NALF1: variants seen among roughly 807,000 people sequenced by gnomAD.
NALF1 encodes NALCN channel auxiliary factor 1.
A neutral mutation model predicts 48.4 loss-of-function variants in NALF1; 3 were observed. That is an observed-to-expected ratio of 0.06 (90% CI 0.03 to 0.16). The LOEUF is 0.16. Ranked by LOEUF, NALF1 falls within the 10% of genes least tolerant of loss-of-function variation. NALF1 has a pLI of 1.00. For synonymous variants in NALF1, 262 were observed against 245.7 expected, an observed-to-expected ratio of 1.07 and a Z score of -0.62; for missense variants, 526 against 571.5, an observed-to-expected ratio of 0.92 and a Z score of 0.81.
chr13:107,628,090 A>G (rs7327914), intron 1 of NALF1, among the ~76,000 whole-genome samples: 104,160 of 151,880 alleles, frequency 0.69, 36,235 homozygotes, highest in East Asian at 1. Context: ...TCAATGACAC[A>G]GAGTTCTTTC....
chr13:107,863,365 A>G (rs987743689), intron 1 of NALF1, among the ~76,000 whole-genome samples: 1 of 152,270 alleles, frequency 6.6e-6, no homozygotes, highest in East Asian at 1.9e-4. Context: ...CTATGCTTCT[A>G]CTCCCTTTCT....
chr13:107,835,563 CA>C lies in NALF1; in HGVS notation c.915+30118del. 3 of 152,186 alleles carry C rather than the reference CA, an allele frequency of 2.0e-5. No homozygotes were observed. In the East Asian group the frequency reaches 5.8e-4, roughly 29 times the overall value. The allele number at this position is 152,186 out of a possible 1,614,324, so 9.4% of individuals were successfully genotyped here. A position where few individuals can be genotyped will look rare whatever the true frequency, so the allele number is the denominator to read the frequency against. On this transcript the variant is annotated intron_variant, in intron 1 of 2. Transcript: ENST00000375915. ...GGCTTTTTTGTCACCTATTATGAGG[CA>C]ATAGAAAATACAAAACTACACAGTT...
intron 1 of NALF1, among the ~76,000 whole-genome samples, chr13:107,556,453 C>A (rs1305335030): frequency 1.3e-5 from 2 of 151,696 alleles, no homozygotes; most frequent in African/African-American, 4.8e-5. Context: ...CCTTGCAGAG[C>A]CACACTGAAT....
At chr13:107,648,148 A>G (rs550130832) in intron 1 of NALF1, among the ~76,000 whole-genome samples, 1 of 152,262 alleles carries the variant, frequency 6.6e-6, no homozygotes, top group Non-Finnish European at 1.5e-5. Context: ...ATCTCACTAC[A>G]TTTGTTACAA....
chr13:107,320,058 A>G (rs1236961001), intron 1 of NALF1, among the ~76,000 whole-genome samples: 1 of 152,166 alleles, frequency 6.6e-6, no homozygotes, highest in Non-Finnish European at 1.5e-5. Context: ...TGGTAAAACC[A>G]TGGTATATTG....
intron 1 of NALF1, among the ~76,000 whole-genome samples, chr13:107,597,821 CACA>C (rs1396841559): frequency 6.6e-6 from 1 of 151,840 alleles, no homozygotes; most frequent in Non-Finnish European, 1.5e-5. Context: ...ACAATTTATC[CACA>C]ACATTATGTA....
At chr13:107,478,247 G>C (rs535562536) in intron 1 of NALF1, among the ~76,000 whole-genome samples, 2 of 152,070 alleles carry the variant, frequency 1.3e-5, no homozygotes, top group Non-Finnish European at 2.9e-5. Flanking sequence ...GTGCATTTTT[G>C]ATGTGAACAG....
chr13:107,176,297 T>A (rs1245863647), intron 2 of NALF1, among the ~76,000 whole-genome samples: 1 of 149,984 alleles, frequency 6.7e-6, no homozygotes, highest in African/African-American at 2.5e-5. Context: ...CTGTTTGACA[T>A]TACAGTACCA....
At chr13:107,173,037 T>A (rs1436693930) in intron 2 of NALF1, among the ~76,000 whole-genome samples, 1 of 152,186 alleles carries the variant, frequency 6.6e-6, no homozygotes. Context: ...TATATTAAGA[T>A]AAAATAATTC....
intron 1 of NALF1, among the ~76,000 whole-genome samples, chr13:107,524,698 C>T (rs920769721): frequency 6.6e-6 from 1 of 152,058 alleles, no homozygotes; most frequent in Non-Finnish European, 1.5e-5. Context: ...GAGATAGTAA[C>T]TCAATAGGAA....
At chr13:107,654,948 T>A (rs1880538361) in intron 1 of NALF1, among the ~76,000 whole-genome samples, 1 of 152,062 alleles carries the variant, frequency 6.6e-6, no homozygotes, top group South Asian at 2.1e-4. Flanking sequence ...AAATCCAGCA[T>A]CCCTTAATGA....
intron 1 of NALF1, among the ~76,000 whole-genome samples, chr13:107,750,290 G>A (rs369662130): frequency 2.9e-4 from 44 of 152,124 alleles, no homozygotes; most frequent in African/African-American, 9.9e-4. Context: ...CACGGAATAC[G>A]GTCTTCAAGC....
At chr13:107,442,142 G>A (rs367559187) in intron 1 of NALF1, among the ~76,000 whole-genome samples, 2 of 152,154 alleles carry the variant, frequency 1.3e-5, no homozygotes, top group Admixed American at 6.5e-5. Flanking sequence ...CTATAGGCAG[G>A]AATAATAAAG....
intron 1 of NALF1, among the ~76,000 whole-genome samples, chr13:107,628,786 C>G (rs114919288): frequency 0.013 from 1,938 of 152,092 alleles, 35 homozygotes; most frequent in African/African-American, 0.044. Flanking sequence ...TTTTAAAAAC[C>G]TGGGCAATTT....
At chr13:107,264,780 T>C (rs1446774448) in intron 1 of NALF1, among the ~76,000 whole-genome samples, 2 of 152,260 alleles carry the variant, frequency 1.3e-5, no homozygotes, top group Admixed American at 1.3e-4. Context: ...TGTTATTCTA[T>C]TGTTTAATTT....
chr13:107,593,593 A>C (rs1171221801), intron 1 of NALF1, among the ~76,000 whole-genome samples: 10 of 152,022 alleles, frequency 6.6e-5, no homozygotes, highest in African/African-American at 2.4e-4. Context: ...TATCTCCCCA[A>C]ATTTTGTCTT....
At chr13:107,843,243 G>A (rs900702955) in intron 1 of NALF1, among the ~76,000 whole-genome samples, 2 of 152,142 alleles carry the variant, frequency 1.3e-5, no homozygotes, top group African/African-American at 4.8e-5. Context: ...ATGCCAAGAG[G>A]TAGATGCTAT....
chr13:107,817,877 G>A (rs942218993), intron 1 of NALF1, among the ~76,000 whole-genome samples: 1 of 152,058 alleles, frequency 6.6e-6, no homozygotes, highest in Non-Finnish European at 1.5e-5. Context: ...TAGTAGCGCA[G>A]CCCAAAGGCT....
At position 107,336,575 on chromosome 13, in the gene NALF1, T is replaced by C. The variant is rs1056980189; in HGVS notation, c.916-125820A>G. On this transcript the variant is annotated intron_variant, in intron 1 of 2. Transcript: ENST00000375915. ...AGAGAACAATCTTTGTGTCTAACAT[T>C]ATCAGGAAGACAAGCTGGGCAAACT... Among the ~76,000 whole-genome samples the C allele has an allele frequency of 2.0e-5, 3 of 152,086 alleles. No homozygotes were observed. The East Asian group carries it at 5.8e-4, about 29-fold the overall frequency.
Sources: gnomAD v4.1 joint callset for allele counts (sites outside exome capture counted in the v4.1 genomes callset) on GRCh38, gnomAD v4.1.1 for gene constraint, MANE v1.5 for transcripts, NCBI Gene and HGNC (gene_info 2026-07-23, HGNC 2026-07-21) for gene names.